The following HIPK1 variants were observed in gnomAD, a reference collection of about 807,000 sequenced individuals.
HIPK1 encodes homeodomain interacting protein kinase 1.
In HIPK1, 28 loss-of-function variants were observed where a neutral mutation model predicts 117.1. The observed-to-expected ratio is 0.24, with a 90% confidence interval of 0.18 to 0.33. The LOEUF (loss-of-function observed/expected upper bound fraction) is 0.33. HIPK1 is among the 10% of genes least tolerant of loss of function. The pLI, the probability that HIPK1 is intolerant of heterozygous loss-of-function variation, is 1.00. For missense variants in HIPK1, 1,122 were observed against 1,475.1 expected (o/e 0.76, Z 3.92); for synonymous variants, 605 against 562.5 (o/e 1.08, Z -1.07).
intron 1 of HIPK1, among the ~76,000 whole-genome samples, chr1:113,935,542 G>A (rs1670197706): frequency 1.3e-5 from 2 of 152,236 alleles, no homozygotes; most frequent in Non-Finnish European, 2.9e-5. Flanking sequence ...TATTTACCCA[G>A]TGATGGGATT....
In HIPK1 at chr1:113,966,062, TA is replaced by T; in HGVS notation, c.2239-61del. 2.7e-6 allele frequency: 4 copies of T among 1,499,654 alleles called. No individual in the cohort carries two copies. In the South Asian group the frequency reaches 3.8e-5, roughly 14 times the overall value. 92.9% of individuals were successfully genotyped at this position (1,499,654 alleles called of 1,614,324 possible). ...TTTAAGATATGAATTTTTCTTTCTT[TA>T]AAAAAACAGAAGAAAAAGCCAAGAA... On this transcript the variant is annotated intron_variant, in intron 10 of 15. Coordinates refer to ENST00000426820, the MANE Select transcript of HIPK1 (RefSeq NM_198268.3).
Position 113,932,960 on chromosome 1 carries a change from G to C in HIPK1, c.-3+3428G>C, listed in dbSNP as rs1669996693. ...CAGCCTTTGCTGGCATATTGTTTAT[G>C]TTTCATATTGATCTCTGCTTTGTTA... On this transcript the variant is annotated intron_variant, in intron 1 of 15. Coordinates refer to ENST00000426820, the MANE Select transcript of HIPK1 (RefSeq NM_198268.3). 2.6e-5 allele frequency among the ~76,000 whole-genome samples: 4 copies of C among 152,214 alleles called. No individual in the cohort carries two copies. In the South Asian group the frequency reaches 8.3e-4, roughly 32 times the overall value.
rs1670479397 is a variant in HIPK1 at position 113,939,238 on chromosome 1, T to TCTA, written c.-2-1142_-2-1140dup. On this transcript the variant is annotated intron_variant, in intron 1 of 15. Coordinates refer to ENST00000426820, the MANE Select transcript of HIPK1 (RefSeq NM_198268.3). ...GGCACGATCACAGCTCACTGCAGCC[T>TCTA]CTACCTCTGGGCTCAGGTGATCACT... Among the ~76,000 whole-genome samples the TCTA allele has an allele frequency of 3.3e-5, 5 of 151,926 alleles. No homozygotes were observed. The South Asian group carries it at 1.0e-3, about 31-fold the overall frequency.
chr1:113,955,060 A>G (rs1378274758), intron 4 of HIPK1, among the ~76,000 whole-genome samples: 1 of 152,248 alleles, frequency 6.6e-6, no homozygotes, highest in Non-Finnish European at 1.5e-5. Flanking sequence ...GACATATAGT[A>G]ATGACTGATT....
chr1:113,972,479 G>C (rs1410551677), intron 15 of HIPK1, among the ~76,000 whole-genome samples: 1 of 152,130 alleles, frequency 6.6e-6, no homozygotes, highest in Non-Finnish European at 1.5e-5. Context: ...TATTCTATTT[G>C]TGTTCACTCT....
intron 1 of HIPK1, among the ~76,000 whole-genome samples, chr1:113,931,611 C>CA (rs919423718): frequency 5.9e-5 from 9 of 152,002 alleles, no homozygotes; most frequent in African/African-American, 2.2e-4. Flanking sequence ...CTTGAGACTT[C>CA]AAACCAAACC....
chr1:113,935,420 G>C (rs1670190767), intron 1 of HIPK1, among the ~76,000 whole-genome samples: 1 of 152,034 alleles, frequency 6.6e-6, no homozygotes, highest in Non-Finnish European at 1.5e-5. Flanking sequence ...ATTTTCTTTA[G>C]TCTACCATTG....
At chr1:113,972,124 C>T in intron 15 of HIPK1, 170 bp downstream of exon 15, 1 of 1,557,044 alleles carries the variant, frequency 6.4e-7, no homozygotes, top group Non-Finnish European at 8.7e-7. Context: ...TCTCTTCATT[C>T]ACTCTGTAAG....
In HIPK1 at chr1:113,941,441, T is replaced by C. The variant is rs1366360109; in HGVS notation, c.1058T>C (p.Leu353Ser). ...TCCAAAGCTGTGTGCTCAACCTACT[T>C]ACAGTCACGTTACTACAGGCAAGTG... Reference protein sequence around the residue: ...HVSKAVCSTYLQSRYYRAPEI... With the variant: ...HVSKAVCSTYSQSRYYRAPEI... The change falls in exon 2 of 16, where the codon TTA becomes TCA. Residue 353 changes from leucine to serine, a missense_variant. Leu to Ser is a moderately radical substitution (Grantham distance 145). Coordinates refer to ENST00000426820, the MANE Select transcript of HIPK1 (RefSeq NM_198268.3). The surrounding 1 kb of genome is among the most constrained non-coding windows in gnomAD (Gnocchi z 4.9). The C allele has an allele frequency of 6.2e-7, 1 of 1,613,170 alleles. No homozygotes were observed. Among genetic ancestry groups the C allele is most frequent in the Non-Finnish European group, 8.5e-7 (1 of 1,179,290 alleles).
intron 12 of HIPK1, 31 bp downstream of exon 12, chr1:113,967,979 C>CTGTTTGTTT: frequency 6.3e-7 from 1 of 1,578,414 alleles, no homozygotes; most frequent in Non-Finnish European, 8.6e-7. Flanking sequence ...ATAGTTAAAA[C>CTGTTTGTTT]TGTGCCAGTT....
chr1:113,955,737 T>C, intron 5 of HIPK1, 88 bp downstream of exon 5: 1 of 676,944 alleles, frequency 1.5e-6, no homozygotes, highest in Non-Finnish European at 2.6e-6. Context: ...TTTAATGTTA[T>C]CTTTCTAGTA....
intron 1 of HIPK1, chr1:113,929,979 G>T (rs1031413457): frequency 2.0e-6 from 2 of 985,406 alleles, no homozygotes; most frequent in Non-Finnish European, 2.4e-6. Context: ...GGCGGGGAGC[G>T]ACTTCCCCTC....
chr1:113,937,857 C>G (rs1277507341), intron 1 of HIPK1, among the ~76,000 whole-genome samples: 1 of 151,616 alleles, frequency 6.6e-6, no homozygotes, highest in Admixed American at 6.6e-5. Context: ...CTTCCAAGAA[C>G]TAAAGAAAGA....
In HIPK1 at chr1:113,977,692, A is replaced by G. The variant is rs551991319; in HGVS notation, c.*4180A>G. The G allele has an allele frequency of 6.5e-6, 1 of 152,802 alleles. No homozygotes were observed. Among genetic ancestry groups the G allele is most frequent in the Non-Finnish European group, 1.5e-5 (1 of 68,024 alleles). The allele number at this position is 152,802 out of a possible 1,614,324, so 9.5% of individuals were successfully genotyped here. ...AAAACATAGTTTATCTTTGGATTCA[A>G]TGTTTGTCTTTGGTTTTACAAAGTA... On this transcript the variant is annotated 3_prime_UTR_variant, in exon 16 of 16. Transcript: ENST00000426820.
intron 1 of HIPK1, among the ~76,000 whole-genome samples, chr1:113,939,069 T>A (rs993593885): frequency 2.0e-5 from 3 of 152,100 alleles, no homozygotes; most frequent in Non-Finnish European, 4.4e-5. Flanking sequence ...TCATTTTACA[T>A]GTATTAAATT....
chr1:113,936,791 A>G (rs1363019155), intron 1 of HIPK1, among the ~76,000 whole-genome samples: 1 of 152,154 alleles, frequency 6.6e-6, no homozygotes, highest in African/African-American at 2.4e-5. Context: ...TGACCCCCCT[A>G]TTCCTAGACA....
At chr1:113,942,456 A>G (rs1230810154) in intron 2 of HIPK1, among the ~76,000 whole-genome samples, 2 of 152,208 alleles carry the variant, frequency 1.3e-5, no homozygotes, top group Non-Finnish European at 2.9e-5. Flanking sequence ...TTATCTTGGC[A>G]GGTAAAATAA....
At chr1:113,952,739 TA>T (rs765629374) in intron 2 of HIPK1, 26 bp from the exon 3 acceptor site, 25 of 1,409,274 alleles carry the variant, frequency 1.8e-5, no homozygotes, top group Non-Finnish European at 2.2e-5. Flanking sequence ...TTTTTTTTTT[TA>T]ATCTGATATT....
In HIPK1 at chr1:113,940,358, A is replaced by C. The variant is rs745791434; in HGVS notation, c.-2-24A>C. 1.9e-6 allele frequency: 3 copies of C among 1,541,798 alleles called. No homozygotes were observed. In the East Asian group the frequency reaches 6.8e-5, roughly 35 times the overall value. The stretch of plus-strand genomic sequence containing the variant: ...CTTGTATCTTTTATCCTTGTGGTCT[A>C]ATTCTTCCTTTCTCTCAATATAGGT... On this transcript the variant is annotated intron_variant, in intron 1 of 15. Transcript: ENST00000426820.
Sources: allele counts gnomAD v4.1 joint callset (sites outside exome capture counted in the v4.1 genomes callset), GRCh38; gene constraint gnomAD v4.1.1; non-coding constraint Gnocchi (gnomAD v3.1); transcripts MANE v1.5; gene names NCBI Gene and HGNC (gene_info 2026-07-23, HGNC 2026-07-21).